Variants in KYNU observed in about 807,000 individuals in gnomAD.
The protein encoded by KYNU is kynureninase, also known as L-kynurenine hydrolase.
KYNU carries 54 observed loss-of-function variants against 59.2 expected under a neutral mutation model. The observed-to-expected ratio is 0.91, with a 90% CI of 0.73 to 1.14. The LOEUF is 1.14. Ranked by LOEUF, KYNU falls within the 50% of genes most tolerant of loss-of-function variation. The pLI is 0.00. For missense variants in KYNU, 567 were observed against 554.4 expected, an observed-to-expected ratio of 1.02 and a Z score of -0.23; for synonymous variants, 177 against 192.0, an observed-to-expected ratio of 0.92 and a Z score of 0.65.
intron 12 of KYNU, among the ~76,000 whole-genome samples, chr2:143,035,293 C>T (rs1686864222): frequency 6.6e-6 from 1 of 152,164 alleles, no homozygotes; most frequent in African/African-American, 2.4e-5. Flanking sequence ...ATATGCATTT[C>T]TCTGGATCTT....
chr2:142,910,598 TG>T (rs1682450749), intron 2 of KYNU, among the ~76,000 whole-genome samples: 1 of 152,126 alleles, frequency 6.6e-6, no homozygotes, highest in Non-Finnish European at 1.5e-5. Flanking sequence ...CTTGTCAGTT[TG>T]GGGGGTTTTT....
chr2:142,980,807 A>G (rs1227770655), intron 8 of KYNU, among the ~76,000 whole-genome samples: 1 of 152,158 alleles, frequency 6.6e-6, no homozygotes, highest in Non-Finnish European at 1.5e-5. Context: ...AATGTGTTGA[A>G]AAATACTTGA....
At chr2:143,012,693 C>T (rs919828863) in intron 10 of KYNU, among the ~76,000 whole-genome samples, 1 of 152,070 alleles carries the variant, frequency 6.6e-6, no homozygotes, top group Admixed American at 6.5e-5. Flanking sequence ...TGCAGTTACC[C>T]ATTTTTTTTC....
intron 12 of KYNU, among the ~76,000 whole-genome samples, chr2:143,038,050 G>C (rs1195106428): frequency 6.6e-6 from 1 of 152,132 alleles, no homozygotes; most frequent in Non-Finnish European, 1.5e-5. Context: ...GTTATCAAGA[G>C]AAAGCTTCAA....
At chr2:142,986,161 C>A in intron 10 of KYNU, 140 bp downstream of exon 10, 1 of 643,676 alleles carries the variant, frequency 1.6e-6, no homozygotes, top group Non-Finnish European at 2.8e-6. Flanking sequence ...ACTCTGCTAA[C>A]AACAATATAC....
intron 10 of KYNU, among the ~76,000 whole-genome samples, chr2:142,997,550 T>C (rs1275993453): frequency 6.6e-6 from 1 of 152,160 alleles, no homozygotes; most frequent in Non-Finnish European, 1.5e-5. Context: ...AGGAAAAGAA[T>C]GTTCGCATTC....
At chr2:142,988,896 A>G in intron 10 of KYNU, 1 of 1,606,516 alleles carries the variant, frequency 6.2e-7, no homozygotes, top group Admixed American at 1.7e-5. Context: ...TGGACAAGTC[A>G]AGGACAAGGT....
chr2:142,998,768 G>C (rs1685619813), intron 10 of KYNU, among the ~76,000 whole-genome samples: 1 of 152,016 alleles, frequency 6.6e-6, no homozygotes, highest in Non-Finnish European at 1.5e-5. Context: ...TGACACTTTG[G>C]GAGGTTGAGG....
intron 10 of KYNU, among the ~76,000 whole-genome samples, chr2:143,004,848 C>T (rs945138927): frequency 4.6e-5 from 7 of 152,172 alleles, no homozygotes; most frequent in Non-Finnish European, 1.5e-5. Flanking sequence ...TTAGGTGTCA[C>T]CTGGAGGGAA....
chr2:142,910,148 T>TG (rs1376585353), intron 2 of KYNU, among the ~76,000 whole-genome samples: 10 of 146,594 alleles, frequency 6.8e-5, no homozygotes, highest in Non-Finnish European at 9.0e-5. Flanking sequence ...TTTTTTTTTT[T>TG]TTCTTTGAGA....
chr2:142,923,319 T>A (rs1682944779), intron 3 of KYNU, among the ~76,000 whole-genome samples: 3 of 152,260 alleles, frequency 2.0e-5, no homozygotes, highest in African/African-American at 4.8e-5. Context: ...ATGGGATTTC[T>A]AAAGTAGATT....
At chr2:142,968,022 T>C (rs942452109) in intron 8 of KYNU, among the ~76,000 whole-genome samples, 5 of 152,178 alleles carry the variant, frequency 3.3e-5, no homozygotes, top group African/African-American at 4.8e-5. Context: ...AAATAAGTCA[T>C]CTTTACCAGA....
chr2:143,005,544 T>C (rs1047786959), intron 10 of KYNU, among the ~76,000 whole-genome samples: 9 of 152,224 alleles, frequency 5.9e-5, no homozygotes, highest in Admixed American at 5.9e-4. Context: ...CATATGTCAG[T>C]AAATTTCCCG....
At chr2:143,013,782 G>A (rs1334873313) in intron 10 of KYNU, among the ~76,000 whole-genome samples, 1 of 152,188 alleles carries the variant, frequency 6.6e-6, no homozygotes, top group Admixed American at 6.5e-5. Context: ...AAAGGTAGAT[G>A]ATATACAGAA....
At chr2:142,901,417 A>G (rs1463471266) in intron 2 of KYNU, among the ~76,000 whole-genome samples, 2 of 152,108 alleles carry the variant, frequency 1.3e-5, no homozygotes, top group African/African-American at 4.8e-5. Context: ...TTCTATAAGC[A>G]TTTTTAATGG....
intron 8 of KYNU, among the ~76,000 whole-genome samples, chr2:142,976,985 A>G (rs1349079965): frequency 6.6e-6 from 1 of 152,180 alleles, no homozygotes; most frequent in Non-Finnish European, 1.5e-5. Context: ...GCTGGGTTCC[A>G]GTAAGGGGCT....
intron 2 of KYNU, among the ~76,000 whole-genome samples, chr2:142,915,140 T>G (rs1682629664): frequency 6.6e-6 from 1 of 152,186 alleles, no homozygotes; most frequent in Non-Finnish European, 1.5e-5. Context: ...TGCATAAATA[T>G]TCTAGAAATA....
intron 2 of KYNU, among the ~76,000 whole-genome samples, chr2:142,887,733 G>A (rs1681567025): frequency 6.6e-6 from 1 of 152,134 alleles, no homozygotes; most frequent in African/African-American, 2.4e-5. Flanking sequence ...AAACCAAGTA[G>A]AATGGTAGTT....
chr2:142,927,543 T>C (rs1683082828), intron 3 of KYNU, 116 bp from the exon 4 acceptor site: 1 of 744,454 alleles, frequency 1.3e-6, no homozygotes, highest in South Asian at 1.6e-5. Flanking sequence ...TTTATATAAT[T>C]ACTAACACAT....
Sources: allele counts gnomAD v4.1 joint callset (sites outside exome capture counted in the v4.1 genomes callset), GRCh38; gene constraint gnomAD v4.1.1; transcripts MANE v1.5; gene names NCBI Gene and HGNC (gene_info 2026-07-23, HGNC 2026-07-21).